TEP1: variants seen among roughly 807,000 people sequenced by gnomAD.
The protein encoded by TEP1 is telomerase associated protein 1, also known as telomerase protein component 1.
Under a neutral mutation model 306.3 loss-of-function variants are expected in TEP1, and 241 were observed. The observed-to-expected ratio is 0.79, with a 90% CI of 0.71 to 0.88. TEP1 has a LOEUF of 0.88. Among genes scored for constraint, TEP1 ranks in the 40% least tolerant of loss-of-function variants. The pLI, the probability that TEP1 is intolerant of heterozygous loss-of-function variation, is 0.00. For synonymous variants in TEP1, 1,289 were observed against 1,305.5 expected, an observed-to-expected ratio of 0.99 and a Z score of 0.27; for missense variants, 3,051 against 3,276.1, an observed-to-expected ratio of 0.93 and a Z score of 1.68.
At chr14:20,391,831 G>A (rs931853969) in intron 12 of TEP1, 64 bp from the exon 13 acceptor site, 64 of 1,560,568 alleles carry the variant, frequency 4.1e-5, no homozygotes, top group Admixed American at 1.4e-4. Flanking sequence ...GAGGCAGACG[G>A]GGAGATGAGA....
In TEP1 at chr14:20,371,621, T is replaced by C. The variant is rs755019027; in HGVS notation, c.7088A>G (p.Asn2363Ser). The C allele has an allele frequency of 6.3e-7, 1 of 1,577,522 alleles. No homozygotes were observed. Among genetic ancestry groups the C allele is most frequent in the Non-Finnish European group, 8.5e-7 (1 of 1,170,568 alleles). ...CCCTAAGTCCTCCTGTAGAATTCGG[T>C]TCAGGTGAAGACTAGCTCAAAAAAG... ...SAPGNLSLHL[N>S]RILQEDLGVL... is the part of the protein sequence containing the mutation. Residue 2363 changes from asparagine (N) to serine (S), a missense_variant, in exon 50 of 55, where the codon AAC becomes AGC. By Grantham distance (46) the Asn-to-Ser change is conservative. Coordinates refer to ENST00000262715, the MANE Select transcript of TEP1 (RefSeq NM_007110.5).
At chr14:20,370,700 A>G (rs985230569) in intron 51 of TEP1, among the ~76,000 whole-genome samples, 1 of 152,230 alleles carries the variant, frequency 6.6e-6, no homozygotes, top group Non-Finnish European at 1.5e-5. Flanking sequence ...GTATATATTT[A>G]GGAGTGGAAT....
In TEP1 at chr14:20,383,152, C is replaced by G. The variant is rs767504650; in HGVS notation, c.4047+22G>C. The G allele has an allele frequency of 3.2e-6, 5 of 1,560,092 alleles. No individual in the cohort carries two copies. The Admixed American group carries it at 7.7e-5, about 24-fold the overall frequency. On this transcript the variant is annotated intron_variant, in intron 27 of 54. Coordinates refer to ENST00000262715, the MANE Select transcript of TEP1 (RefSeq NM_007110.5). ...TCCCAGATTCACCCCACACACCCACCGGCCCCGGCCTAGAACCCAACCTGG... is the reference window on the plus strand; with the variant it reads ...TCCCAGATTCACCCCACACACCCACGGGCCCCGGCCTAGAACCCAACCTGG...
intron 41 of TEP1, 63 bp from the exon 42 acceptor site, chr14:20,376,327 G>GGCC (rs1278994922): frequency 6.4e-7 from 1 of 1,552,894 alleles, no homozygotes; most frequent in East Asian, 2.3e-5. Context: ...GGCCCTGGGA[G>GGCC]GCCAAAGACA....
Position 20,396,725 on chromosome 14 carries a change from C to A in TEP1, c.1555G>T (p.Gly519Trp). ...ASVWEELIEN[G>W]KLPFMAMLRN... ...AGCATGGCCATGAAGGGAAGCTTCC[C>A]ATTTTCTGTGGAATGTGGGGCATAG... The change falls in exon 10 of 55, where the codon GGG becomes TGG. Residue 519 changes from glycine to tryptophan, a missense_variant. Physicochemically the swap from Gly to Trp is radical, Grantham distance 184 (BLOSUM62 -2). This residue lies in a region of TEP1 where 1,507 missense variants were observed against 1,550.5 expected (regional missense o/e 0.97). Transcript: ENST00000262715. 1.2e-6 allele frequency: 2 copies of A among 1,603,898 alleles called. No homozygotes were observed. The highest frequency in any genetic ancestry group is 1.3e-5 in the African/African-American group (1 of 74,800).
In TEP1 at chr14:20,381,502, C is replaced by A; in HGVS notation, c.4558+51G>T. The A allele has an allele frequency of 6.2e-7, 1 of 1,612,812 alleles. No homozygotes were observed. Among genetic ancestry groups the A allele is most frequent in the Non-Finnish European group, 8.5e-7 (1 of 1,180,004 alleles). On this transcript the variant is annotated intron_variant, in intron 31 of 54. Transcript: ENST00000262715. This position sits in a 1 kb window ranked among gnomAD's most constrained non-coding sequence, Gnocchi z 4.0. ...GGAGCACAGTGGGTGGTCCTGGCCT[C>A]CAGGCCCAAGCCCCACACTCAGTGC...
intron 1 of TEP1, among the ~76,000 whole-genome samples, chr14:20,411,451 C>T (rs185718229): frequency 6.6e-6 from 1 of 152,278 alleles, no homozygotes; most frequent in Non-Finnish European, 1.5e-5. Flanking sequence ...TCAACTCCTC[C>T]AAAAAGCCTG....
At chr14:20,405,123 C>T (rs1185463877) in intron 4 of TEP1, among the ~76,000 whole-genome samples, 1 of 152,162 alleles carries the variant, frequency 6.6e-6, no homozygotes, top group Non-Finnish European at 1.5e-5. Context: ...AAGATATTTC[C>T]CACCGCGCTC....
intron 6 of TEP1, 105 bp from the exon 7 acceptor site, chr14:20,403,553 TAGAAA>T: frequency 6.3e-7 from 1 of 1,591,322 alleles, no homozygotes; most frequent in South Asian, 1.1e-5. Context: ...GGAAGCCAAC[TAGAAA>T]AGAAGACTGC....
Position 20,375,811 on chromosome 14 carries a change from G to A in TEP1, c.6307C>T (p.Pro2103Ser), listed in dbSNP as rs373669828. 3.7e-5 allele frequency: 60 copies of A among 1,613,532 alleles called. No homozygotes were observed. Among genetic ancestry groups the A allele is most frequent in the Middle Eastern group, 1.6e-4 (1 of 6,084 alleles). Residue 2103 changes from proline to serine, a missense_variant, in exon 43 of 55, where the codon CCT becomes TCT. This residue lies in a region of TEP1 where 1,540 missense variants were observed against 1,705.9 expected (regional missense o/e 0.90). Coordinates refer to ENST00000262715, the MANE Select transcript of TEP1 (RefSeq NM_007110.5). ...GTGACCCAGTCACGGTGACAGGCAGGGAAGGAGTGGATCAAAACAGGGGTT... is the reference window on the plus strand; with the variant it reads ...GTGACCCAGTCACGGTGACAGGCAGAGAAGGAGTGGATCAAAACAGGGGTT... Reference protein sequence around the residue: ...PKTPVLIHSFPACHRDWVTGC... With the variant: ...PKTPVLIHSFSACHRDWVTGC...
chr14:20,389,788 C>G (rs1719772917), intron 15 of TEP1, 48 bp from the exon 16 acceptor site: 1 of 1,607,272 alleles, frequency 6.2e-7, no homozygotes, highest in East Asian at 2.2e-5. Flanking sequence ...TGCTAGACAG[C>G]CCAGGACATT....
chr14:20,368,229 A>G lies in TEP1; in HGVS notation c.*208T>C. ...TAATGTTGAATAAGAAGAGACACAC[A>G]TTAGAATGTACATATACATACACAT... is the stretch of plus-strand genomic sequence containing the variant. On this transcript the variant is annotated 3_prime_UTR_variant, in exon 55 of 55. Transcript: ENST00000262715. 2 of 445,408 alleles carry G rather than the reference A, an allele frequency of 4.5e-6. No individual in the cohort carries two copies. The highest frequency in any genetic ancestry group is 3.6e-5 in the East Asian group (1 of 27,442). The allele number at this position is 445,408 out of a possible 1,614,324, so 27.6% of individuals were successfully genotyped here. A position where few individuals can be genotyped will look rare whatever the true frequency, so the allele number is the denominator to read the frequency against.
rs1878162733 is a variant in TEP1 at position 20,395,902 on chromosome 14, G to C, written c.1707C>G (p.Ala569=). 1.9e-6 allele frequency: 3 copies of C among 1,614,086 alleles called. No individual in the cohort carries two copies. The highest frequency in any genetic ancestry group is 2.2e-5 in the South Asian group (2 of 91,080). ...SRQFPFRFLN[A]HDAIDALEAQ... Reference sequence around the variant, plus strand: ...CCTCGAGGGCATCAATGGCATCATGGGCGTTAAGAAATCTGAATGGAAACT... The same window carrying C: ...CCTCGAGGGCATCAATGGCATCATGCGCGTTAAGAAATCTGAATGGAAACT... Residue 569 remains alanine, a synonymous_variant, in exon 11 of 55, where the codon GCC becomes GCG. Coordinates refer to ENST00000262715, the MANE Select transcript of TEP1 (RefSeq NM_007110.5).
In TEP1 at chr14:20,404,685, G is replaced by C; in HGVS notation, c.958C>G (p.Pro320Ala). ...GCACAGAAATATCGTCGCAGGTGGG[G>C]GCGACACGCCGGCAAGAAAGCAGCA... ...AIAAFLPACR[P>A]HLRRYFCAIV... The change falls in exon 5 of 55, where the codon CCC (proline) becomes GCC (alanine). Residue 320 changes from proline to alanine, a missense_variant. By Grantham distance (27) the Pro-to-Ala change is conservative (BLOSUM62 -1). This residue lies in a region of TEP1 where 1,507 missense variants were observed against 1,550.5 expected (regional missense o/e 0.97). Transcript: ENST00000262715. 6.2e-7 allele frequency: 1 copy of C among 1,614,184 alleles called. No homozygotes were observed. The highest frequency in any genetic ancestry group is 8.5e-7 in the Non-Finnish European group (1 of 1,180,030).
chr14:20,412,857 AC>A (rs1385506570), intron 1 of TEP1, among the ~76,000 whole-genome samples: 2 of 151,398 alleles, frequency 1.3e-5, no homozygotes, highest in Non-Finnish European at 2.9e-5. Context: ...GAGGGTTTTC[AC>A]CATGTTGGTC....
chr14:20,375,091 CAAAACAAAAAA>C, intron 43 of TEP1, among the ~76,000 whole-genome samples: 1 of 63,246 alleles, frequency 1.6e-5, no homozygotes, highest in Non-Finnish European at 2.7e-5. Flanking sequence ...AACTCTGTCT[CAAAACAAAAAA>C]AAAAAAAAGG....
In TEP1 at chr14:20,381,660, C is replaced by A; in HGVS notation, c.4451G>T (p.Arg1484Leu). The A allele has an allele frequency of 6.2e-7, 1 of 1,612,020 alleles. No individual in the cohort carries two copies. The highest frequency in any genetic ancestry group is 1.1e-5 in the South Asian group (1 of 90,906). The stretch of plus-strand genomic sequence containing the variant: ...AGGGAGGCACAGCCGGGCACCAGGG[C>A]GCTCCAGAGGGCCCTCCCCTAGCAA... ...RSLLGEGPLE[R>L]PGARLCLPDG... The change falls in exon 31 of 55, where the codon CGC (arginine) becomes CTC (leucine). Residue 1484 changes from arginine (R) to leucine (L), a missense_variant. Arg to Leu is a moderately radical substitution (Grantham distance 102, BLOSUM62 -2). Around this residue, in one of 3 missense-constraint regions of TEP1, gnomAD observed 1,540 missense variants for 1,705.9 expected, o/e 0.90. Coordinates refer to ENST00000262715, the MANE Select transcript of TEP1 (RefSeq NM_007110.5). The surrounding 1 kb of genome is among the most constrained non-coding windows in gnomAD (Gnocchi z 4.0).
chr14:20,383,096 T>C, intron 27 of TEP1, 78 bp downstream of exon 27: 9 of 1,469,402 alleles, frequency 6.1e-6, no homozygotes, highest in Non-Finnish European at 7.3e-6. Flanking sequence ...GCAAGGCAGC[T>C]AGCGGCCTCG....
intron 12 of TEP1, among the ~76,000 whole-genome samples, chr14:20,394,474 CTTTT>C (rs747749338): frequency 2.1e-3 from 211 of 100,434 alleles, no homozygotes; most frequent in Non-Finnish European, 3.4e-3. Flanking sequence ...GCCCCTTGGG[CTTTT>C]TTTTTTTTTT....
Sources: allele counts gnomAD v4.1 joint callset (sites outside exome capture counted in the v4.1 genomes callset), GRCh38; gene constraint gnomAD v4.1.1; regional missense constraint gnomAD v4.1.1; non-coding constraint Gnocchi (gnomAD v3.1); transcripts MANE v1.5; gene names NCBI Gene and HGNC (gene_info 2026-07-23, HGNC 2026-07-21).